CPNE4: variants seen among roughly 807,000 people sequenced by gnomAD.
CPNE4 encodes copine-4.
Under a neutral mutation model 67.9 loss-of-function variants are expected in CPNE4, and 25 were observed. The observed-to-expected ratio is 0.37, with a 90% confidence interval of 0.27 to 0.51. The LOEUF is 0.51. Among genes scored for constraint, CPNE4 ranks in the 20% least tolerant of loss-of-function variants. The probability of loss-of-function intolerance (pLI) is 0.93; values close to 1 mark genes in which losing one functional copy is unlikely to be tolerated. For missense variants in CPNE4, 464 were observed against 690.8 expected, an observed-to-expected ratio of 0.67 and a Z score of 3.68; for synonymous variants, 242 against 244.9, an observed-to-expected ratio of 0.99 and a Z score of 0.11.
Position 131,534,150 on chromosome 3 carries a change from T to A in CPNE4, c.*1045A>T, listed in dbSNP as rs1935013707. On this transcript the variant is annotated 3_prime_UTR_variant, in exon 16 of 16. Coordinates refer to ENST00000429747, the MANE Select transcript of CPNE4 (RefSeq NM_130808.3). Reference sequence around the variant, plus strand: ...ACGCTTTGAGATCACTTCTAGGGATTGACACCATCCATGCAGTGGTGTGTG... The same window carrying A: ...ACGCTTTGAGATCACTTCTAGGGATAGACACCATCCATGCAGTGGTGTGTG... 1 of 152,254 alleles carries A rather than the reference T, an allele frequency of 6.6e-6. No individual in the cohort carries two copies. 9.4% of individuals were successfully genotyped at this position (152,254 alleles called of 1,614,324 possible).
intron 1 of CPNE4, among the ~76,000 whole-genome samples, chr3:132,002,386 C>T (rs1168658748): frequency 1.3e-5 from 2 of 152,112 alleles, no homozygotes; most frequent in Admixed American, 1.3e-4. Flanking sequence ...AGGAGTTGAA[C>T]TCTGATTTCA....
chr3:132,010,304 T>C (rs2107676296), intron 1 of CPNE4, among the ~76,000 whole-genome samples: 1 of 152,236 alleles, frequency 6.6e-6, no homozygotes, highest in Non-Finnish European at 1.5e-5. Flanking sequence ...CAGCTACAAA[T>C]AACCAAGCAC....
At chr3:131,972,382 T>C (rs945308275) in intron 1 of CPNE4, among the ~76,000 whole-genome samples, 3 of 152,174 alleles carry the variant, frequency 2.0e-5, no homozygotes, top group African/African-American at 4.8e-5. Flanking sequence ...AGAGTTTCTT[T>C]GTATGAGGTA....
At chr3:132,019,850 T>C (rs4854873) in intron 1 of CPNE4, among the ~76,000 whole-genome samples, 152,288 of 152,290 alleles carry the variant, frequency 1, 76,143 homozygotes, top group Middle Eastern at 1. Context: ...GAGGACCAGA[T>C]AAAGTCTATT....
At chr3:132,036,552 C>T (rs1442554922), upstream of CPNE4, among the ~76,000 whole-genome samples, 3 of 152,190 alleles carry the variant, frequency 2.0e-5, no homozygotes, top group African/African-American at 7.2e-5. Context: ...AAAAACATTA[C>T]TTCCAGGTTT....
chr3:131,569,924 A>G (rs1937248479), intron 10 of CPNE4, among the ~76,000 whole-genome samples: 1 of 151,998 alleles, frequency 6.6e-6, no homozygotes, highest in Non-Finnish European at 1.5e-5. Context: ...ATCACTCGCC[A>G]TGCCACTAGG....
chr3:131,828,535 A>T (rs2085254037), intron 2 of CPNE4, among the ~76,000 whole-genome samples: 1 of 152,148 alleles, frequency 6.6e-6, no homozygotes. Context: ...TCCATTCTCA[A>T]GTGGAATGCA....
intron 7 of CPNE4, among the ~76,000 whole-genome samples, chr3:131,646,609 C>T (rs2079672261): frequency 6.6e-6 from 1 of 152,124 alleles, no homozygotes; most frequent in Non-Finnish European, 1.5e-5. Flanking sequence ...TTGTTTGTAA[C>T]TCAAAGGGTA....
chr3:131,904,746 A>T (rs1238313755), intron 2 of CPNE4, among the ~76,000 whole-genome samples: 1 of 152,020 alleles, frequency 6.6e-6, no homozygotes, highest in East Asian at 1.9e-4. Flanking sequence ...TCAATTCGGG[A>T]CCTATGGATA....
At chr3:131,805,299 G>A (rs544966187) in intron 2 of CPNE4, among the ~76,000 whole-genome samples, 4 of 152,286 alleles carry the variant, frequency 2.6e-5, no homozygotes, top group African/African-American at 4.8e-5. Context: ...GGGAGCTCTC[G>A]TGCTTCCCAT....
intron 3 of CPNE4, 33 bp from the exon 4 acceptor site, chr3:131,700,013 T>C: frequency 6.9e-7 from 1 of 1,444,182 alleles, no homozygotes; most frequent in Non-Finnish European, 9.7e-7. Context: ...TAACAAAAGG[T>C]AGAGATACTA....
chr3:131,899,391 T>A (rs1022180111), intron 2 of CPNE4, among the ~76,000 whole-genome samples: 3 of 152,154 alleles, frequency 2.0e-5, no homozygotes, highest in African/African-American at 7.2e-5. Flanking sequence ...TGGAGTTTTA[T>A]GAAAAATCTC....
intron 5 of CPNE4, 57 bp from the exon 6 acceptor site, chr3:131,686,015 A>G: frequency 1.1e-6 from 1 of 919,972 alleles, no homozygotes. Flanking sequence ...TCTAGTCCTG[A>G]TCAATCAGGA....
chr3:131,771,199 G>T (rs191681652), intron 2 of CPNE4, among the ~76,000 whole-genome samples: 14 of 152,252 alleles, frequency 9.2e-5, no homozygotes, highest in African/African-American at 3.1e-4. Flanking sequence ...AGATGTTGAA[G>T]AAACAATAAA....
intron 1 of CPNE4, among the ~76,000 whole-genome samples, chr3:132,019,536 T>C (rs2073950381): frequency 6.6e-6 from 1 of 152,194 alleles, no homozygotes. Context: ...GATCTACATA[T>C]ACAGGAATAG....
intron 1 of CPNE4, among the ~76,000 whole-genome samples, chr3:131,930,806 G>A (rs2071039335): frequency 6.6e-6 from 1 of 152,104 alleles, no homozygotes; most frequent in Non-Finnish European, 1.5e-5. Context: ...TTTCCCTTAA[G>A]TAGCAAAGGA....
intron 2 of CPNE4, among the ~76,000 whole-genome samples, chr3:131,837,541 A>C (rs1205418595): frequency 6.6e-6 from 1 of 152,096 alleles, no homozygotes; most frequent in Non-Finnish European, 1.5e-5. Flanking sequence ...TGGGGAAATA[A>C]GTGACTATAA....
intron 7 of CPNE4, among the ~76,000 whole-genome samples, chr3:131,649,286 G>A (rs1269329759): frequency 6.6e-6 from 1 of 152,202 alleles, no homozygotes; most frequent in African/African-American, 2.4e-5. Context: ...TTCTTCTCGT[G>A]TGTAAGTAAC....
chr3:131,766,378 G>A (rs573151751), intron 2 of CPNE4, among the ~76,000 whole-genome samples: 1 of 152,110 alleles, frequency 6.6e-6, no homozygotes, highest in South Asian at 2.1e-4. Context: ...GTACCAGAAG[G>A]GAAAAACACT....
Sources: gnomAD v4.1 joint callset for allele counts (sites outside exome capture counted in the v4.1 genomes callset) on GRCh38, gnomAD v4.1.1 for gene constraint, MANE v1.5 for transcripts, NCBI Gene and HGNC (gene_info 2026-07-23, HGNC 2026-07-21) for gene names.